The following FASTK variants were observed in gnomAD, a reference collection of about 807,000 sequenced individuals.
FASTK encodes fas-activated serine/threonine kinase.
In FASTK, 28 loss-of-function variants were observed where a neutral mutation model predicts 60.0. The observed-to-expected ratio is 0.47, with a 90% CI of 0.35 to 0.64. FASTK has a LOEUF of 0.64. Ranked by LOEUF, FASTK falls within the 30% of genes least tolerant of loss-of-function variation. The pLI is 0.01. For missense variants in FASTK, 595 were observed against 713.8 expected, an observed-to-expected ratio of 0.83 and a Z score of 1.90; for synonymous variants, 325 against 307.9, an observed-to-expected ratio of 1.06 and a Z score of -0.58.
chr7:151,078,763 T>G (rs550258709), intron 3 of FASTK, 62 bp from the exon 4 acceptor site: 3 of 1,610,002 alleles, frequency 1.9e-6, no homozygotes, highest in Non-Finnish European at 2.5e-6. Context: ...CAATTCCACC[T>G]CAGCCCAGCC....
chr7:151,077,060 C>G (rs768971500), intron 8 of FASTK, 33 bp from the exon 9 acceptor site: 2 of 1,609,358 alleles, frequency 1.2e-6, no homozygotes, highest in Non-Finnish European at 1.7e-6. Context: ...CAGGGCATGG[C>G]GGGCAAGGTG....
chr7:151,080,466 GTCTC>G (rs1366974989), intron 1 of FASTK: 41 of 1,262,650 alleles, frequency 3.2e-5, no homozygotes, highest in Non-Finnish European at 3.2e-5. Context: ...AAGTGGCTTC[GTCTC>G]TCTAAGTCTC....
In FASTK at chr7:151,079,830, G is replaced by C. The variant is rs753176564; in HGVS notation, c.175C>G (p.Gln59Glu). ...TTGCTGGGCCCCAAACAGCAGGGCT[G>C]TACTGGAGGGATCAGCAGCAGGCCA... ...LSGLLLIPPV[Q>E]PCCLGPSKWG... Residue 59 changes from glutamine to glutamate, a missense_variant, in exon 2 of 10, where the codon CAG (glutamine) becomes GAG (glutamate). By Grantham distance (29) the Gln-to-Glu change is conservative. Transcript: ENST00000297532. 3 of 1,602,178 alleles carry C rather than the reference G, an allele frequency of 1.9e-6. No individual in the cohort carries two copies. The highest frequency in any genetic ancestry group is 1.7e-6 in the Non-Finnish European group (2 of 1,174,576).
In FASTK at chr7:151,079,652, A is replaced by C. The variant is rs1299024448; in HGVS notation, c.353T>G (p.Leu118Arg). ...CCCCAAGAGCTGGCCCAGACGACGAAGCGCCACCGAGTAGTGGTGGGCGCG... is the reference window on the plus strand; with the variant it reads ...CCCCAAGAGCTGGCCCAGACGACGACGCGCCACCGAGTAGTGGTGGGCGCG... ...KVRAHHYSVA[L>R]RRLGQLLGSR... Residue 118 changes from leucine (L) to arginine (R), a missense_variant, in exon 2 of 10, where the codon CTT (leucine) becomes CGT (arginine). Coordinates refer to ENST00000297532, the MANE Select transcript of FASTK (RefSeq NM_006712.5). 1 of 1,613,124 alleles carries C rather than the reference A, an allele frequency of 6.2e-7. No homozygotes were observed. Among genetic ancestry groups the C allele is most frequent in the Non-Finnish European group, 8.5e-7 (1 of 1,179,838 alleles).
chr7:151,077,875 G>A lies in FASTK; in HGVS notation c.1039+4C>T, dbSNP rs372624687. The A allele has an allele frequency of 2.0e-4, 326 of 1,611,758 alleles. No homozygotes were observed. Among genetic ancestry groups the A allele is most frequent in the Admixed American group, 3.0e-4 (18 of 59,970 alleles). On this transcript the variant is annotated splice_donor_region_variant and intron_variant, in intron 5 of 9. Transcript: ENST00000297532. ...GGGCCCAGCCAGCCATCCTGGCTGC[G>A]TACCACTGATGTAGTTGATGAAGCC...
intron 6 of FASTK, 61 bp from the exon 7 acceptor site, chr7:151,077,462 T>TCTAGTG: frequency 1.3e-6 from 2 of 1,566,020 alleles, no homozygotes; most frequent in Non-Finnish European, 1.7e-6. Context: ...TCTGTCCCAG[T>TCTAGTG]CTAGTGCCAC....
In FASTK at chr7:151,079,920, A is replaced by T. The variant is rs1797892347; in HGVS notation, c.85T>A (p.Ser29Thr). 1 of 1,579,364 alleles carries T rather than the reference A, an allele frequency of 6.3e-7. No homozygotes were observed. The highest frequency in any genetic ancestry group is 2.3e-5 in the East Asian group (1 of 43,922). Residue 29 changes from serine to threonine, a missense_variant and splice_region_variant, in exon 2 of 10, where the codon TCT becomes ACT. Transcript: ENST00000297532. Reference sequence around the variant, plus strand: ...CGAAGCATGGAGTTGGGTGATGGAGACCCTGAGGGGCAGCCCAAAAAAGGG... The same window carrying T: ...CGAAGCATGGAGTTGGGTGATGGAGTCCCTGAGGGGCAGCCCAAAAAAGGG... ...ATCAGPGESW[S>T]PSPNSMLRVL...
chr7:151,079,637 T>A lies in FASTK; in HGVS notation c.368A>T (p.Gln123Leu). ...HYSVALRRLGQLLGSRPRPPP... is the reference protein window; with the variant it reads ...HYSVALRRLGLLLGSRPRPPP... The stretch of plus-strand genomic sequence containing the variant: ...GGGCCGTGGCCGAGACCCCAAGAGC[T>A]GGCCCAGACGACGAAGCGCCACCGA... Residue 123 changes from glutamine to leucine, a missense_variant, in exon 2 of 10, where the codon CAG becomes CTG. Gln to Leu is a moderately radical substitution (Grantham distance 113). Around this residue, in one of 2 missense-constraint regions of FASTK, gnomAD observed 471 missense variants for 605.9 expected, o/e 0.78. Transcript: ENST00000297532. 4 of 1,613,606 alleles carry A rather than the reference T, an allele frequency of 2.5e-6. No homozygotes were observed. The highest frequency in any genetic ancestry group is 2.5e-6 in the Non-Finnish European group (3 of 1,179,946).
In FASTK at chr7:151,076,783, C is replaced by T. The variant is rs1797672804; in HGVS notation, c.1592G>A (p.Ser531Asn). 6.2e-7 allele frequency: 1 copy of T among 1,612,340 alleles called. No homozygotes were observed. Among genetic ancestry groups the T allele is most frequent in the African/African-American group, 1.3e-5 (1 of 75,044 alleles). Reference protein sequence around the residue: ...ESQRGLPQLKSYLRQKLQALG... With the variant: ...ESQRGLPQLKNYLRQKLQALG... The stretch of plus-strand genomic sequence containing the variant: ...GGCCTGGAGCTTCTGCCTCAGGTAG[C>T]TCTTGAGCTGGGGCAGGCCTCTCTG... The change falls in exon 10 of 10, where the codon AGC (serine) becomes AAC (asparagine). Residue 531 changes from serine (S) to asparagine (N), a missense_variant. Coordinates refer to ENST00000297532, the MANE Select transcript of FASTK (RefSeq NM_006712.5).
At chr7:151,077,855 C>T in intron 5 of FASTK, 24 bp downstream of exon 5, 1 of 1,605,468 alleles carries the variant, frequency 6.2e-7, no homozygotes, top group Non-Finnish European at 8.5e-7. Context: ...CTCAGGGGCC[C>T]AGCCAGCCAT....
At position 151,079,882 on chromosome 7, in the gene FASTK, A is replaced by G; in HGVS notation, c.123T>C (p.Ser41=). 6.2e-7 allele frequency: 1 copy of G among 1,602,648 alleles called. No homozygotes were observed. The highest frequency in any genetic ancestry group is 1.1e-5 in the South Asian group (1 of 89,550). Residue 41 remains serine (S), a synonymous_variant, in exon 2 of 10, where the codon TCT becomes TCC. Coordinates refer to ENST00000297532, the MANE Select transcript of FASTK (RefSeq NM_006712.5). ...ACAGCCGAGCAGGGGAGGTCTGAGC[A>G]GAGAGCAGGACTCGAAGCATGGAGT... is the stretch of plus-strand genomic sequence containing the variant. The part of the protein sequence containing the change: ...SPNSMLRVLL[S]AQTSPARLSG...
At position 151,076,951 on chromosome 7, in the gene FASTK, C is replaced by A; in HGVS notation, c.1504G>T (p.Glu502Ter). Residue 502 changes from glutamate to a stop codon, truncating the protein, a stop_gained, in exon 9 of 10, where the codon GAG (glutamate) becomes TAG (stop). Transcript: ENST00000297532. LOFTEE classifies it high-confidence loss of function. Reference sequence around the variant, plus strand: ...TAGCCCATCAGGCCTAGGTGCCGCTCCCTCAGGGCCCTCGAGCCCAGCAGC... The same window carrying A: ...TAGCCCATCAGGCCTAGGTGCCGCTACCTCAGGGCCCTCGAGCCCAGCAGC... Reference protein sequence around the residue: ...RVLLGSRALRERHLGLMGYQL... With the variant: ...RVLLGSRALR 1 of 1,611,792 alleles carries A rather than the reference C, an allele frequency of 6.2e-7. No individual in the cohort carries two copies. The highest frequency in any genetic ancestry group is 8.5e-7 in the Non-Finnish European group (1 of 1,179,474).
rs568012275 is a variant in FASTK at position 151,079,973 on chromosome 7, G to C, written c.83-51C>G. On this transcript the variant is annotated intron_variant, in intron 1 of 9. Transcript: ENST00000297532. The stretch of plus-strand genomic sequence containing the variant: ...TGAGGTTTTCTCCAAAGGGGAGAAA[G>C]ACCTGCTACCTACTGCTTACCTCAC... 9 of 1,442,564 alleles carry C rather than the reference G, an allele frequency of 6.2e-6. 1 individual carries two copies. The South Asian group carries it at 1.2e-4, about 19-fold the overall frequency. The allele number at this position is 1,442,564 out of a possible 1,614,324, so 89.4% of individuals were successfully genotyped here. A position where few individuals can be genotyped will look rare whatever the true frequency, so the allele number is the denominator to read the frequency against.
chr7:151,079,917 G>C lies in FASTK; in HGVS notation c.88C>G (p.Pro30Ala). The C allele has an allele frequency of 6.3e-7, 1 of 1,584,824 alleles. No individual in the cohort carries two copies. The highest frequency in any genetic ancestry group is 8.6e-7 in the Non-Finnish European group (1 of 1,160,716). Residue 30 changes from proline (P) to alanine (A), a missense_variant, in exon 2 of 10, where the codon CCA becomes GCA. Coordinates refer to ENST00000297532, the MANE Select transcript of FASTK (RefSeq NM_006712.5). ...TCAGPGESWS[P>A]SPNSMLRVLL... ...ACTCGAAGCATGGAGTTGGGTGATG[G>C]AGACCCTGAGGGGCAGCCCAAAAAA...
At chr7:151,079,046 C>A in intron 2 of FASTK, 25 bp from the exon 3 acceptor site, 1 of 1,435,906 alleles carries the variant, frequency 7.0e-7, no homozygotes, top group Non-Finnish European at 9.1e-7. Flanking sequence ...TAAAAGGCAG[C>A]CTGGTAACAG....
intron 4 of FASTK, 31 bp from the exon 5 acceptor site, chr7:151,078,123 G>T: frequency 6.7e-7 from 1 of 1,493,930 alleles, no homozygotes; most frequent in Non-Finnish European, 9.2e-7. Flanking sequence ...ATTACCCAGT[G>T]TCAAGTATTT....
chr7:151,080,280 G>C (rs571862500), intron 1 of FASTK: 4 of 361,718 alleles, frequency 1.1e-5, no homozygotes, highest in African/African-American at 8.4e-5. Flanking sequence ...GTCATTAACC[G>C]GGTTAGTGGT....
chr7:151,080,257 A>G (rs1797914927), intron 1 of FASTK: 2 of 365,710 alleles, frequency 5.5e-6, no homozygotes, highest in East Asian at 9.7e-5. Flanking sequence ...GAAGGGGTTA[A>G]GTTAAGCCCG....
At chr7:151,079,477 G>A (rs1380439852) in intron 2 of FASTK, 23 bp downstream of exon 2, 12 of 1,553,360 alleles carry the variant, frequency 7.7e-6, no homozygotes, top group South Asian at 1.2e-5. Context: ...CCCCCCAGGC[G>A]CCCACCTCAA....
Sources: gnomAD v4.1 joint callset for allele counts on GRCh38, gnomAD v4.1.1 for gene constraint, gnomAD v4.1.1 regional missense constraint, MANE v1.5 for transcripts, NCBI Gene and HGNC (gene_info 2026-07-23, HGNC 2026-07-21) for gene names.